Variants in ARHGAP26 observed in about 807,000 individuals in gnomAD.
ARHGAP26 encodes the protein Rho GTPase activating protein 26, also known as rho GTPase-activating protein 26.
ARHGAP26 carries 38 observed loss-of-function variants against 104.8 expected under a neutral mutation model. The ratio of observed to expected loss-of-function variants is 0.36; its 90% confidence interval spans 0.28 to 0.48. The LOEUF (loss-of-function observed/expected upper bound fraction) is 0.48. Ranked by LOEUF, ARHGAP26 falls within the 20% of genes least tolerant of loss-of-function variation. ARHGAP26 has a pLI of 0.99. For synonymous variants in ARHGAP26, 341 were observed against 340.0 expected (o/e 1.00, Z -0.03); for missense variants, 704 against 947.9 (o/e 0.74, Z 3.38).
rs528451350 is a variant in ARHGAP26 at position 142,927,541 on chromosome 5, T to C, written c.1029-4506T>C. 5.9e-4 allele frequency among the ~76,000 whole-genome samples: 90 copies of C among 152,336 alleles called. 1 individual carries two copies. Among genetic ancestry groups the C allele is most frequent in the African/African-American group, 2.1e-3 (89 of 41,578 alleles). Reference sequence around the variant, plus strand: ...AAAAAATTGTTGTATGGTATGCCATTGTTCAAATATACAACAGTTTATCCA... The same window carrying C: ...AAAAAATTGTTGTATGGTATGCCATCGTTCAAATATACAACAGTTTATCCA... On this transcript the variant is annotated intron_variant, in intron 10 of 22. Transcript: ENST00000645722.
At chr5:142,771,882 T>C (rs1199729455) in intron 1 of ARHGAP26, among the ~76,000 whole-genome samples, 1 of 152,214 alleles carries the variant, frequency 6.6e-6, no homozygotes, top group Admixed American at 6.5e-5. Flanking sequence ...GCTCTAGGGA[T>C]GAGTGCTTTG....
At chr5:143,084,876 C>T (rs566676422) in intron 17 of ARHGAP26, among the ~76,000 whole-genome samples, 1 of 152,080 alleles carries the variant, frequency 6.6e-6, no homozygotes, top group East Asian at 1.9e-4. Flanking sequence ...GAAACTCCGT[C>T]TCTACTAAAA....
rs1015545878 is a variant in ARHGAP26, at chr5:142,774,706, A to G, written c.154+3791A>G. ...TAGTAACATACAGAATACTTTCACT[A>G]CCCTAAAAATCCTATGTGCTCCACC... On this transcript the variant is annotated intron_variant, in intron 1 of 22. Coordinates refer to ENST00000645722, the MANE Select transcript of ARHGAP26 (RefSeq NM_001135608.3). Among the ~76,000 whole-genome samples the G allele has an allele frequency of 3.9e-5, 6 of 152,078 alleles. 1 individual carries two copies. The highest frequency in any genetic ancestry group is 3.9e-4 in the Admixed American group (6 of 15,276).
At chr5:142,997,950 AGC>A (rs1776645022) in intron 11 of ARHGAP26, among the ~76,000 whole-genome samples, 1 of 152,222 alleles carries the variant, frequency 6.6e-6, no homozygotes, top group African/African-American at 2.4e-5. Flanking sequence ...ACAATTCAGC[AGC>A]AGAAATTGAA....
At chr5:143,024,775 C>T (rs1780805849) in intron 12 of ARHGAP26, among the ~76,000 whole-genome samples, 1 of 152,178 alleles carries the variant, frequency 6.6e-6, no homozygotes. Context: ...ACTCCCTGCA[C>T]TGATCAGAGT....
At chr5:143,156,925 A>G (rs952036451) in intron 20 of ARHGAP26, among the ~76,000 whole-genome samples, 2 of 152,250 alleles carry the variant, frequency 1.3e-5, no homozygotes, top group Admixed American at 6.5e-5. Context: ...TTACAAATCA[A>G]GACAGGGTGG....
chr5:143,157,379 T>C (rs528903557), intron 20 of ARHGAP26, among the ~76,000 whole-genome samples: 10 of 152,192 alleles, frequency 6.6e-5, no homozygotes, highest in African/African-American at 2.2e-4. Context: ...CGTTTCACCA[T>C]GTTGGCCAGG....
chr5:142,951,008 TTTCCCTTTCCCTTTCTCTTTCC>T (rs1768276032), intron 11 of ARHGAP26, among the ~76,000 whole-genome samples: 1 of 8,668 alleles, frequency 1.2e-4, no homozygotes, highest in Non-Finnish European at 2.9e-4. Context: ...TCTCTTTCCC[TTTCCCTTTCCCTTTCTCTTTCC>T]CTTTCCCTTT....
intron 1 of ARHGAP26, among the ~76,000 whole-genome samples, chr5:142,807,036 G>A (rs943633725): frequency 3.3e-5 from 5 of 152,174 alleles, no homozygotes; most frequent in African/African-American, 4.8e-5. Flanking sequence ...GCTAGGGAGA[G>A]GGATTTTTCT....
chr5:142,938,775 TGG>T (rs1049733004), intron 11 of ARHGAP26, among the ~76,000 whole-genome samples: 11 of 152,194 alleles, frequency 7.2e-5, no homozygotes, highest in Non-Finnish European at 1.3e-4. Context: ...CTGTGATTAG[TGG>T]TGTCTTTCTG....
At chr5:142,896,089 AG>A (rs780820365) in intron 6 of ARHGAP26, among the ~76,000 whole-genome samples, 2 of 152,238 alleles carry the variant, frequency 1.3e-5, no homozygotes, top group Non-Finnish European at 2.9e-5. Flanking sequence ...TGTCAGATAA[AG>A]CAGCCTTATT....
At chr5:143,117,065 G>A (rs1053821463) in intron 17 of ARHGAP26, among the ~76,000 whole-genome samples, 12 of 152,206 alleles carry the variant, frequency 7.9e-5, no homozygotes, top group Non-Finnish European at 1.5e-4. Flanking sequence ...AGTAGTCCAC[G>A]TGGATGTAGG....
chr5:143,081,070 G>C (rs1262987134), intron 17 of ARHGAP26, among the ~76,000 whole-genome samples: 3 of 152,238 alleles, frequency 2.0e-5, no homozygotes, highest in South Asian at 4.1e-4. Flanking sequence ...GAGAAACGGA[G>C]GTCTTGTCTT....
intron 12 of ARHGAP26, among the ~76,000 whole-genome samples, chr5:143,018,601 C>T (rs746333432): frequency 2.0e-5 from 3 of 152,188 alleles, no homozygotes; most frequent in Non-Finnish European, 4.4e-5. Flanking sequence ...GCTATCCATT[C>T]TTCCCTCGAT....
chr5:142,960,304 C>G (rs1770003694), intron 11 of ARHGAP26, among the ~76,000 whole-genome samples: 1 of 152,272 alleles, frequency 6.6e-6, no homozygotes, highest in Non-Finnish European at 1.5e-5. Flanking sequence ...AGCAGAAAAT[C>G]TATAAGCAGT....
At chr5:142,903,278 T>C (rs1452569441) in intron 7 of ARHGAP26, among the ~76,000 whole-genome samples, 2 of 152,172 alleles carry the variant, frequency 1.3e-5, no homozygotes, top group African/African-American at 4.8e-5. Context: ...AGGTGCTGAA[T>C]TGATCTGTAG....
intron 5 of ARHGAP26, among the ~76,000 whole-genome samples, chr5:142,889,637 G>A (rs1457727032): frequency 6.6e-6 from 1 of 152,028 alleles, no homozygotes. Flanking sequence ...ATAGATAAGA[G>A]TTTAAATTGG....
At chr5:143,026,610 G>T (rs1781095470) in intron 12 of ARHGAP26, among the ~76,000 whole-genome samples, 1 of 152,200 alleles carries the variant, frequency 6.6e-6, no homozygotes, top group East Asian at 1.9e-4. Flanking sequence ...GTGGTGCCCG[G>T]ATGGGAGGAG....
At chr5:142,833,808 G>A (rs1040283767) in intron 1 of ARHGAP26, among the ~76,000 whole-genome samples, 3 of 152,298 alleles carry the variant, frequency 2.0e-5, no homozygotes, top group East Asian at 1.9e-4. Context: ...TGTGGGAGCT[G>A]TGAGGACCTT....
Sources: gnomAD v4.1 joint callset for allele counts (sites outside exome capture counted in the v4.1 genomes callset) on GRCh38, gnomAD v4.1.1 for gene constraint, MANE v1.5 for transcripts, NCBI Gene and HGNC (gene_info 2026-07-23, HGNC 2026-07-21) for gene names.